Variants in XPR1 observed in about 807,000 individuals in gnomAD.
XPR1 encodes the protein solute carrier family 53 member 1.
A neutral mutation model predicts 87.5 loss-of-function variants in XPR1; 28 were observed. The ratio of observed to expected loss-of-function variants is 0.32; its 90% confidence interval spans 0.24 to 0.44. The LOEUF (loss-of-function observed/expected upper bound fraction) is 0.44. Ranked by LOEUF, XPR1 falls within the 20% of genes least tolerant of loss-of-function variation. The pLI, the probability that XPR1 is intolerant of heterozygous loss-of-function variation, is 1.00. For synonymous variants in XPR1, 300 were observed against 306.1 expected (o/e 0.98, Z 0.21); for missense variants, 559 against 862.3 (o/e 0.65, Z 4.41).
At chr1:180,786,020 C>T (rs750535599) in intron 2 of XPR1, among the ~76,000 whole-genome samples, 2 of 151,514 alleles carry the variant, frequency 1.3e-5, no homozygotes, top group African/African-American at 2.4e-5. Context: ...AAATAATTCC[C>T]GGTGACCTTG....
chr1:180,680,517 C>T (rs1407715984), intron 1 of XPR1, among the ~76,000 whole-genome samples: 4 of 151,746 alleles, frequency 2.6e-5, no homozygotes, highest in African/African-American at 9.7e-5. Flanking sequence ...AGGCACATGC[C>T]CCACACCCAG....
At chr1:180,825,010 G>C in intron 8 of XPR1, 67 bp downstream of exon 8, 1 of 1,540,988 alleles carries the variant, frequency 6.5e-7, no homozygotes, top group South Asian at 1.3e-5. Flanking sequence ...ATCTGGTTTA[G>C]TGGGTACTTA....
At position 180,637,050 on chromosome 1, in the gene XPR1, CAAAAAAAA is replaced by C. The variant is rs34479247; in HGVS notation, c.69+4794_69+4801del. On this transcript the variant is annotated intron_variant, in intron 1 of 14. Coordinates refer to ENST00000367590, the MANE Select transcript of XPR1 (RefSeq NM_004736.4). ...CTGGCAACAGAGTAAGACTTCATCT[CAAAAAAAA>C]AAAAAAAAAAAAAGGAAAAGTAAGG... 8.3e-4 allele frequency among the ~76,000 whole-genome samples: 68 copies of C among 81,578 alleles called. No individual in the cohort carries two copies. In the East Asian group the frequency reaches 0.021, roughly 25 times the overall value. 53.5% of individuals were successfully genotyped at this position (81,578 alleles called of 152,430 possible).
At chr1:180,873,993 C>T in intron 13 of XPR1, 51 bp downstream of exon 13, 1 of 1,508,598 alleles carries the variant, frequency 6.6e-7, no homozygotes. Flanking sequence ...ACCTAAAAGA[C>T]ACCCAATACT....
chr1:180,776,079 T>C (rs1451020244), intron 2 of XPR1, among the ~76,000 whole-genome samples: 1 of 152,164 alleles, frequency 6.6e-6, no homozygotes, highest in African/African-American at 2.4e-5. Context: ...AAATACTCAT[T>C]GTAGGTATTA....
chr1:180,759,845 C>T (rs577449859), intron 2 of XPR1, among the ~76,000 whole-genome samples: 8 of 152,312 alleles, frequency 5.3e-5, no homozygotes, highest in East Asian at 1.9e-4. Context: ...CCTTCATGAA[C>T]ATTGATGCAA....
In XPR1 at chr1:180,795,919, G is replaced by A. The variant is rs771787867; in HGVS notation, c.224-7469G>A. Among the ~76,000 whole-genome samples the A allele has an allele frequency of 3.9e-5, 6 of 152,144 alleles. No homozygotes were observed. The East Asian group carries it at 7.7e-4, about 20-fold the overall frequency. On this transcript the variant is annotated intron_variant, in intron 3 of 14. Transcript: ENST00000367590. Reference sequence around the variant, plus strand: ...GCCTCCCAGGTTCAAGCAATTTTCTGCCTCAGCCTCCTGAGTAGCTGAGAT... The same window carrying A: ...GCCTCCCAGGTTCAAGCAATTTTCTACCTCAGCCTCCTGAGTAGCTGAGAT...
intron 7 of XPR1, among the ~76,000 whole-genome samples, chr1:180,812,563 C>T (rs1323314250): frequency 6.6e-6 from 1 of 151,974 alleles, no homozygotes; most frequent in Non-Finnish European, 1.5e-5. Context: ...ATCAGCAAAT[C>T]TTATTGGTCT....
At position 180,824,350 on chromosome 1, in the gene XPR1, A is replaced by G. The variant is rs562088343; in HGVS notation, c.764-403A>G. On this transcript the variant is annotated intron_variant, in intron 7 of 14. Transcript: ENST00000367590. The stretch of plus-strand genomic sequence containing the variant: ...GTAATCCCAACACTTTGGGAGGCCA[A>G]GGTGGGTGGATCACGAGGTCAGGAG... Among the ~76,000 whole-genome samples, 57 of 152,328 alleles carry G rather than the reference A, an allele frequency of 3.7e-4. 1 individual carries two copies. The South Asian group carries it at 0.011, about 30-fold the overall frequency.
intron 2 of XPR1, among the ~76,000 whole-genome samples, chr1:180,741,974 A>G (rs561601438): frequency 4.6e-5 from 7 of 152,178 alleles, no homozygotes; most frequent in African/African-American, 1.2e-4. Context: ...AATGTCTGCA[A>G]TGTCTGTAGT....
intron 2 of XPR1, among the ~76,000 whole-genome samples, chr1:180,747,298 C>T (rs1168240673): frequency 6.6e-6 from 1 of 152,108 alleles, no homozygotes; most frequent in Non-Finnish European, 1.5e-5. Flanking sequence ...TATCTTTTAT[C>T]AGTCTTCACT....
intron 2 of XPR1, among the ~76,000 whole-genome samples, chr1:180,757,039 T>C (rs1435716750): frequency 6.6e-6 from 1 of 152,258 alleles, no homozygotes; most frequent in African/African-American, 2.4e-5. Flanking sequence ...AGTACTATGC[T>C]ATCATGATAT....
chr1:180,843,464 G>A (rs1651581410), intron 11 of XPR1, among the ~76,000 whole-genome samples: 1 of 151,894 alleles, frequency 6.6e-6, no homozygotes, highest in South Asian at 2.1e-4. Flanking sequence ...ATTTATCTTG[G>A]CAATATTTGC....
intron 3 of XPR1, among the ~76,000 whole-genome samples, chr1:180,795,540 TA>T (rs879296657): frequency 1.3e-5 from 2 of 152,230 alleles, no homozygotes; most frequent in Non-Finnish European, 2.9e-5. Flanking sequence ...CTGTGTGTAA[TA>T]TTTTTTCAGA....
intron 11 of XPR1, among the ~76,000 whole-genome samples, chr1:180,837,455 AAT>A (rs1651335049): frequency 6.6e-6 from 1 of 151,568 alleles, no homozygotes; most frequent in African/African-American, 2.4e-5. Flanking sequence ...TACTTTGCAA[AAT>A]TTTTTTTCAG....
At chr1:180,665,238 GACTC>G (rs2101923784) in intron 1 of XPR1, among the ~76,000 whole-genome samples, 1 of 152,256 alleles carries the variant, frequency 6.6e-6, no homozygotes, top group South Asian at 2.1e-4. Context: ...GACCTCATGA[GACTC>G]ACTCACTATC....
At chr1:180,772,416 T>C (rs553114265) in intron 2 of XPR1, among the ~76,000 whole-genome samples, 3 of 152,168 alleles carry the variant, frequency 2.0e-5, no homozygotes, top group Non-Finnish European at 4.4e-5. Flanking sequence ...CTAGACTTAT[T>C]GTTACTAGAC....
In XPR1 at chr1:180,663,585, C is replaced by T. The variant is rs77872534; in HGVS notation, c.70-18775C>T. 4.6e-3 allele frequency among the ~76,000 whole-genome samples: 698 copies of T among 152,312 alleles called. 12 individuals carry two copies. Among genetic ancestry groups the T allele is most frequent in the African/African-American group, 0.016 (675 of 41,568 alleles). On this transcript the variant is annotated intron_variant, in intron 1 of 14. Coordinates refer to ENST00000367590, the MANE Select transcript of XPR1 (RefSeq NM_004736.4). Reference sequence around the variant, plus strand: ...CACCATCACTGGGACCACACTGGGTCAGACCCGAAGCTAGCGCAACACTGG... The same window carrying T: ...CACCATCACTGGGACCACACTGGGTTAGACCCGAAGCTAGCGCAACACTGG...
intron 2 of XPR1, among the ~76,000 whole-genome samples, chr1:180,763,263 G>A (rs1215601430): frequency 6.6e-6 from 1 of 152,202 alleles, no homozygotes; most frequent in East Asian, 1.9e-4. Context: ...TTAGCATGAA[G>A]GATGCTGTGT....
Sources: allele counts gnomAD v4.1 joint callset (sites outside exome capture counted in the v4.1 genomes callset), GRCh38; gene constraint gnomAD v4.1.1; transcripts MANE v1.5; gene names NCBI Gene and HGNC (gene_info 2026-07-23, HGNC 2026-07-21).